FAM222A: variants seen among roughly 807,000 people sequenced by gnomAD.
FAM222A encodes family with sequence similarity 222 member A.
A neutral mutation model predicts 25.8 loss-of-function variants in FAM222A; 7 were observed. The ratio of observed to expected loss-of-function variants is 0.27; its 90% confidence interval spans 0.15 to 0.51. The LOEUF is 0.51. FAM222A is among the 20% of genes least tolerant of loss of function. FAM222A has a pLI of 0.97. For synonymous variants in FAM222A, 294 were observed against 298.8 expected (o/e 0.98, Z 0.17); for missense variants, 573 against 640.5 (o/e 0.89, Z 1.14).
At chr12:109,731,443 C>T (rs546067444) in intron 1 of FAM222A, among the ~76,000 whole-genome samples, 188 of 152,314 alleles carry the variant, frequency 1.2e-3, no homozygotes, top group African/African-American at 4.4e-3. Context: ...GGAGCAAATC[C>T]TCTTCCTCTC....
At chr12:109,743,452 C>T (rs1320354876) in intron 1 of FAM222A, among the ~76,000 whole-genome samples, 2 of 152,058 alleles carry the variant, frequency 1.3e-5, no homozygotes, top group Non-Finnish European at 2.9e-5. Context: ...GGGTAAGGAG[C>T]TCAGGCAGCG....
Position 109,768,217 on chromosome 12 carries a change from C to T in FAM222A, c.288C>T (p.Thr96=), listed in dbSNP as rs143876985. 2.2e-5 allele frequency: 35 copies of T among 1,612,400 alleles called. No individual in the cohort carries two copies. Among genetic ancestry groups the T allele is most frequent in the Admixed American group, 5.0e-5 (3 of 59,914 alleles). The change falls in exon 3 of 3, where the codon ACC becomes ACT. Residue 96 remains threonine, a synonymous_variant. Coordinates refer to ENST00000538780, the MANE Select transcript of FAM222A (RefSeq NM_032829.3). The part of the protein sequence containing the change: ...GQRYSPYPQH[T]AGYQGLLAIV... ...GCTACAGCCCCTACCCACAGCACACCGCTGGCTACCAGGGCCTTCTGGCCA... is the reference window on the plus strand; with the variant it reads ...GCTACAGCCCCTACCCACAGCACACTGCTGGCTACCAGGGCCTTCTGGCCA...
intron 2 of FAM222A, among the ~76,000 whole-genome samples, chr12:109,754,722 C>T (rs115599855): frequency 0.01 from 1,542 of 151,294 alleles, 22 homozygotes; most frequent in African/African-American, 0.035. Flanking sequence ...GACTGGTGGG[C>T]AGTGGCATGG....
At chr12:109,718,987 G>A (rs985887819) in intron 1 of FAM222A, among the ~76,000 whole-genome samples, 1 of 152,160 alleles carries the variant, frequency 6.6e-6, no homozygotes, top group Non-Finnish European at 1.5e-5. Context: ...CTCTGTGATG[G>A]GGGGCTTGCA....
At chr12:109,755,138 T>C (rs1888682736) in intron 2 of FAM222A, among the ~76,000 whole-genome samples, 1 of 152,186 alleles carries the variant, frequency 6.6e-6, no homozygotes, top group African/African-American at 2.4e-5. Flanking sequence ...AAGTTTTGAA[T>C]TTTGGTGATG....
At chr12:109,752,457 T>C (rs938112105) in intron 2 of FAM222A, among the ~76,000 whole-genome samples, 5 of 150,988 alleles carry the variant, frequency 3.3e-5, no homozygotes, top group Non-Finnish European at 5.9e-5. Flanking sequence ...TTGGGTGATA[T>C]GGCCCAGATC....
intron 2 of FAM222A, among the ~76,000 whole-genome samples, chr12:109,746,888 G>A (rs558168191): frequency 1.3e-5 from 2 of 152,160 alleles, no homozygotes; most frequent in Non-Finnish European, 2.9e-5. Context: ...GTTGCAGCAT[G>A]TGTATATCCA....
intron 2 of FAM222A, among the ~76,000 whole-genome samples, chr12:109,753,661 G>C (rs984621230): frequency 1.3e-5 from 2 of 152,002 alleles, no homozygotes; most frequent in Non-Finnish European, 2.9e-5. Context: ...AGGGCTTGTC[G>C]TCCAAGAGGA....
intron 1 of FAM222A, among the ~76,000 whole-genome samples, chr12:109,733,482 T>C (rs1000829292): frequency 3.8e-4 from 57 of 151,980 alleles, no homozygotes; most frequent in Non-Finnish European, 2.2e-4. Context: ...CAGCTCACTG[T>C]AAGCTCCGCC....
Position 109,722,237 on chromosome 12 carries a change from A to G in FAM222A, c.-47+7340A>G, listed in dbSNP as rs1480924024. Among the ~76,000 whole-genome samples the G allele has an allele frequency of 3.9e-5, 6 of 152,160 alleles. 1 individual carries two copies. The highest frequency in any genetic ancestry group is 2.6e-4 in the Admixed American group (4 of 15,280). Reference sequence around the variant, plus strand: ...GTAACCAGATGTGGCTAGAATGTGGAGAGAGAGGACTGTGGAAGGAGCCAG... The same window carrying G: ...GTAACCAGATGTGGCTAGAATGTGGGGAGAGAGGACTGTGGAAGGAGCCAG... On this transcript the variant is annotated intron_variant, in intron 1 of 2. Coordinates refer to ENST00000538780, the MANE Select transcript of FAM222A (RefSeq NM_032829.3).
intron 2 of FAM222A, among the ~76,000 whole-genome samples, chr12:109,767,760 C>A (rs1445811040): frequency 2.0e-5 from 3 of 152,140 alleles, no homozygotes; most frequent in African/African-American, 7.2e-5. Context: ...AGGGACCCTA[C>A]AGGGGATTAG....
chr12:109,758,916 A>C (rs150046888), intron 2 of FAM222A, among the ~76,000 whole-genome samples: 1 of 152,322 alleles, frequency 6.6e-6, no homozygotes, highest in Non-Finnish European at 1.5e-5. Flanking sequence ...CAGTAGACAA[A>C]GCGTGCAACG....
chr12:109,751,237 G>A (rs903714432), intron 2 of FAM222A, among the ~76,000 whole-genome samples: 4 of 148,160 alleles, frequency 2.7e-5, no homozygotes, highest in Non-Finnish European at 5.9e-5. Flanking sequence ...TTCTGCTCTT[G>A]TATATCTTCT....
At chr12:109,719,281 A>G (rs1887705943) in intron 1 of FAM222A, among the ~76,000 whole-genome samples, 1 of 152,160 alleles carries the variant, frequency 6.6e-6, no homozygotes, top group African/African-American at 2.4e-5. Flanking sequence ...CAGAGAAGGT[A>G]TTATACTTTG....
At chr12:109,748,748 T>C (rs11068103) in intron 2 of FAM222A, among the ~76,000 whole-genome samples, 32,103 of 152,088 alleles carry the variant, frequency 0.21, 3,629 homozygotes, top group Middle Eastern at 0.26. Flanking sequence ...TTTTTCCTGT[T>C]TTTCTTCATT....
intron 2 of FAM222A, among the ~76,000 whole-genome samples, chr12:109,746,896 C>A (rs985660921): frequency 1.3e-5 from 2 of 152,282 alleles, no homozygotes; most frequent in Admixed American, 1.3e-4. Flanking sequence ...ATGTGTATAT[C>A]CAGGTCGAGT....
At chr12:109,739,381 T>G (rs1317527380) in intron 1 of FAM222A, among the ~76,000 whole-genome samples, 3 of 152,212 alleles carry the variant, frequency 2.0e-5, no homozygotes, top group Non-Finnish European at 4.4e-5. Flanking sequence ...CAGGACACTT[T>G]GAGTCATTTC....
rs11833670 is a variant in FAM222A, at chr12:109,715,631, G to A, written c.-47+734G>A. On this transcript the variant is annotated intron_variant, in intron 1 of 2. Transcript: ENST00000538780. ...CAGTCCTCTGACCTAAATCCTTAGC[G>A]CCCCATAAGGTGGGGGAGGGAGGCA... 4.3e-3 allele frequency among the ~76,000 whole-genome samples: 652 copies of A among 152,230 alleles called. 9 individuals are homozygous for A. Among genetic ancestry groups the A allele is most frequent in the African/African-American group, 0.015 (631 of 41,546 alleles).
intron 2 of FAM222A, among the ~76,000 whole-genome samples, chr12:109,750,282 A>G (rs1434611521): frequency 6.6e-6 from 1 of 152,224 alleles, no homozygotes; most frequent in Non-Finnish European, 1.5e-5. Flanking sequence ...TTTTCTCTCC[A>G]CAACATTTTC....
Sources: allele counts gnomAD v4.1 joint callset (sites outside exome capture counted in the v4.1 genomes callset), GRCh38; gene constraint gnomAD v4.1.1; transcripts MANE v1.5; gene names NCBI Gene and HGNC (gene_info 2026-07-23, HGNC 2026-07-21).